The following THRB variants were observed in gnomAD, a reference collection of about 807,000 sequenced individuals.
THRB encodes the protein thyroid hormone receptor beta, also known as nuclear receptor subfamily 1 group A member 2.
A neutral mutation model predicts 47.8 loss-of-function variants in THRB; 12 were observed. The ratio of observed to expected loss-of-function variants is 0.25; its 90% CI spans 0.16 to 0.41. The LOEUF is 0.41. Among genes scored for constraint, THRB ranks in the 10% least tolerant of loss-of-function variants. The probability of loss-of-function intolerance (pLI) is 1.00; values close to 1 mark genes in which losing one functional copy is unlikely to be tolerated. For synonymous variants in THRB, 218 were observed against 212.2 expected, an observed-to-expected ratio of 1.03 and a Z score of -0.24; for missense variants, 348 against 589.2, an observed-to-expected ratio of 0.59 and a Z score of 4.24.
chr3:24,186,811 G>A (rs2042631661), intron 5 of THRB, among the ~76,000 whole-genome samples: 1 of 151,920 alleles, frequency 6.6e-6, no homozygotes, highest in South Asian at 2.1e-4. Flanking sequence ...CTGGGCATGT[G>A]GTGCATGCTT....
At chr3:24,235,914 T>G (rs1188434289) in intron 3 of THRB, among the ~76,000 whole-genome samples, 2 of 152,174 alleles carry the variant, frequency 1.3e-5, no homozygotes, top group Admixed American at 6.5e-5. Flanking sequence ...TATTTGGTAT[T>G]GTGGGGTGCT....
chr3:24,142,856 A>C (rs1372511561), intron 8 of THRB, among the ~76,000 whole-genome samples: 1 of 152,214 alleles, frequency 6.6e-6, no homozygotes, highest in Admixed American at 6.5e-5. Flanking sequence ...TCAAAACACT[A>C]TGAAGTCTGA....
intron 2 of THRB, among the ~76,000 whole-genome samples, chr3:24,334,777 GA>G (rs1232559838): frequency 6.6e-6 from 1 of 152,170 alleles, no homozygotes; most frequent in Admixed American, 6.5e-5. Context: ...CTCTTAGGGT[GA>G]GTTCAGATCA....
intron 1 of THRB, chr3:24,459,502 T>C (rs1300565488): frequency 6.6e-6 from 1 of 152,180 alleles, no homozygotes; most frequent in Non-Finnish European, 1.5e-5. Context: ...CTGGGTCAAA[T>C]GGTATTTCTA....
intron 8 of THRB, among the ~76,000 whole-genome samples, chr3:24,136,358 T>C (rs1443037397): frequency 6.6e-6 from 1 of 152,160 alleles, no homozygotes; most frequent in African/African-American, 2.4e-5. Flanking sequence ...GGATCTTAGA[T>C]ACCAGAACAA....
chr3:24,327,963 TA>T (rs979716242), intron 2 of THRB, among the ~76,000 whole-genome samples: 154 of 152,060 alleles, frequency 1.0e-3, no homozygotes, highest in Non-Finnish European at 1.8e-3. Flanking sequence ...TAAAAATCAT[TA>T]AAAAAAATCA....
At chr3:24,286,260 T>C (rs2055285531) in intron 3 of THRB, among the ~76,000 whole-genome samples, 3 of 152,326 alleles carry the variant, frequency 2.0e-5, no homozygotes, top group Admixed American at 6.5e-5. Flanking sequence ...TCTTCCCATT[T>C]AGAAGCCTGT....
At chr3:24,304,618 A>G (rs12485694) in intron 2 of THRB, among the ~76,000 whole-genome samples, 85,904 of 151,846 alleles carry the variant, frequency 0.57, 24,737 homozygotes, top group East Asian at 0.75. Flanking sequence ...AACCTTAGTA[A>G]GTTTCATGAA....
chr3:24,271,462 G>A (rs1374827944), intron 3 of THRB, among the ~76,000 whole-genome samples: 1 of 152,108 alleles, frequency 6.6e-6, no homozygotes, highest in Non-Finnish European at 1.5e-5. Flanking sequence ...GTTACTACAG[G>A]GCTTTTGCAG....
At chr3:24,358,503 A>C (rs527917611) in intron 1 of THRB, among the ~76,000 whole-genome samples, 51 of 152,266 alleles carry the variant, frequency 3.3e-4, no homozygotes, top group Middle Eastern at 3.4e-3. Flanking sequence ...TAGCCCATTG[A>C]CCCAACATTA....
intron 3 of THRB, among the ~76,000 whole-genome samples, chr3:24,271,050 G>A (rs893948381): frequency 3.9e-5 from 6 of 152,030 alleles, no homozygotes; most frequent in African/African-American, 1.2e-4. Context: ...CCCTCCCTAG[G>A]CATGTGAGGA....
chr3:24,219,915 A>G (rs1224497438), intron 4 of THRB, among the ~76,000 whole-genome samples: 1 of 152,188 alleles, frequency 6.6e-6, no homozygotes, highest in Non-Finnish European at 1.5e-5. Flanking sequence ...TTAACACCAG[A>G]TGCGTAGCGG....
intron 1 of THRB, among the ~76,000 whole-genome samples, chr3:24,456,603 CA>C (rs2073192504): frequency 6.7e-6 from 1 of 150,000 alleles, no homozygotes; most frequent in Non-Finnish European, 1.5e-5. Context: ...TTAATTAAAA[CA>C]TTAAATTAAA....
At chr3:24,404,512 G>A (rs2067668709) in intron 1 of THRB, among the ~76,000 whole-genome samples, 1 of 151,916 alleles carries the variant, frequency 6.6e-6, no homozygotes, top group Non-Finnish European at 1.5e-5. Flanking sequence ...AGCAAAATGA[G>A]AATAGATATG....
intron 1 of THRB, among the ~76,000 whole-genome samples, chr3:24,435,183 T>C (rs574040059): frequency 6.6e-6 from 1 of 152,186 alleles, no homozygotes; most frequent in African/African-American, 2.4e-5. Flanking sequence ...GCAGCATCAC[T>C]GGCCATGCCA....
chr3:24,375,194 T>C (rs76583844), intron 1 of THRB, among the ~76,000 whole-genome samples: 3,426 of 151,650 alleles, frequency 0.023, 117 homozygotes, highest in African/African-American at 0.077. Flanking sequence ...AGAGCCATGT[T>C]TTAAAGCAGC....
At chr3:24,241,974 A>C (rs2049566333) in intron 3 of THRB, among the ~76,000 whole-genome samples, 1 of 152,084 alleles carries the variant, frequency 6.6e-6, no homozygotes, top group South Asian at 2.1e-4. Flanking sequence ...TCCTCCCCCC[A>C]CAAGTTAGCA....
At chr3:24,132,634 G>A (rs928827986) in intron 9 of THRB, among the ~76,000 whole-genome samples, 2 of 152,198 alleles carry the variant, frequency 1.3e-5, no homozygotes, top group Non-Finnish European at 2.9e-5. Context: ...CACAGGGCAG[G>A]CCTGATAAAG....
chr3:24,287,777 A>T (rs2055475862), intron 3 of THRB, among the ~76,000 whole-genome samples: 1 of 152,224 alleles, frequency 6.6e-6, no homozygotes, highest in African/African-American at 2.4e-5. Context: ...AACACAATTC[A>T]AATGTAGGCT....
Sources: allele counts gnomAD v4.1 joint callset (sites outside exome capture counted in the v4.1 genomes callset), GRCh38; gene constraint gnomAD v4.1.1; transcripts MANE v1.5; gene names NCBI Gene and HGNC (gene_info 2026-07-23, HGNC 2026-07-21).